The following WASL variants were observed in gnomAD, a reference collection of about 807,000 sequenced individuals.
WASL encodes the protein WASP like actin nucleation promoting factor, also known as actin nucleation-promoting factor WASL.
A neutral mutation model predicts 55.5 loss-of-function variants in WASL; 20 were observed. The observed-to-expected ratio is 0.36, with a 90% CI of 0.25 to 0.52. WASL has a LOEUF of 0.52. WASL is among the 20% of genes least tolerant of loss of function. The pLI is 0.92. For missense variants in WASL, 504 were observed against 622.5 expected, an observed-to-expected ratio of 0.81 and a Z score of 2.03; for synonymous variants, 249 against 217.6, an observed-to-expected ratio of 1.14 and a Z score of -1.27.
chr7:123,722,162 T>A (rs1803960332), intron 1 of WASL, among the ~76,000 whole-genome samples: 1 of 152,170 alleles, frequency 6.6e-6, no homozygotes, highest in Non-Finnish European at 1.5e-5. Flanking sequence ...CTGCTACATT[T>A]CAAGTGCGCA....
intron 1 of WASL, among the ~76,000 whole-genome samples, chr7:123,737,844 C>G (rs1804264397): frequency 6.6e-6 from 1 of 152,054 alleles, no homozygotes; most frequent in African/African-American, 2.4e-5. Flanking sequence ...AAAGATTATT[C>G]CACTTAACTA....
chr7:123,741,510 T>C lies in WASL; in HGVS notation c.117+7108A>G, dbSNP rs1381427852. On this transcript the variant is annotated intron_variant, in intron 1 of 10. Transcript: ENST00000223023. The stretch of plus-strand genomic sequence containing the variant: ...TGTATAAACTTTTGTTTCTAGAACC[T>C]TTAGAGTAAGAGTGAACTCTATTAG... Among the ~76,000 whole-genome samples, 6 of 152,332 alleles carry C rather than the reference T, an allele frequency of 3.9e-5. No homozygotes were observed. The East Asian group carries it at 1.2e-3, about 29-fold the overall frequency.
intron 4 of WASL, among the ~76,000 whole-genome samples, 160 bp from the exon 5 acceptor site, chr7:123,704,817 ATAAG>A (rs917991578): frequency 1.3e-5 from 2 of 152,202 alleles, no homozygotes; most frequent in Admixed American, 1.3e-4. Context: ...TCTAAATAAA[ATAAG>A]TAAGGGAACA....
At chr7:123,721,923 A>G (rs1403287702) in intron 1 of WASL, among the ~76,000 whole-genome samples, 1 of 152,058 alleles carries the variant, frequency 6.6e-6, no homozygotes, top group Non-Finnish European at 1.5e-5. Flanking sequence ...ATTAATTGGG[A>G]ATGATTTCAC....
intron 1 of WASL, among the ~76,000 whole-genome samples, chr7:123,742,125 T>C (rs1804353739): frequency 6.6e-6 from 1 of 152,214 alleles, no homozygotes. Context: ...GTCACATCTT[T>C]TCCTCAAGAG....
chr7:123,694,454 A>C (rs949678986), intron 8 of WASL, among the ~76,000 whole-genome samples: 3 of 152,212 alleles, frequency 2.0e-5, no homozygotes, highest in East Asian at 3.8e-4. Flanking sequence ...TTAGGCAACT[A>C]TAAGTTTTTA....
At chr7:123,722,796 C>T (rs1803973328) in intron 1 of WASL, among the ~76,000 whole-genome samples, 2 of 152,068 alleles carry the variant, frequency 1.3e-5, no homozygotes, top group African/African-American at 4.8e-5. Flanking sequence ...GAGGGAGACT[C>T]TGTCTCAAAA....
At chr7:123,694,668 T>C in intron 8 of WASL, 47 bp downstream of exon 8, 1 of 1,601,808 alleles carries the variant, frequency 6.2e-7, no homozygotes, top group Non-Finnish European at 8.5e-7. Flanking sequence ...GAAACTGACC[T>C]CAAAAGATTA....
At chr7:123,719,289 G>T (rs1233475311) in intron 1 of WASL, among the ~76,000 whole-genome samples, 1 of 152,176 alleles carries the variant, frequency 6.6e-6, no homozygotes, top group East Asian at 1.9e-4. Flanking sequence ...AGTCACATGG[G>T]ACTGTCTTAG....
chr7:123,691,013 T>TA (rs1803400053), intron 9 of WASL, among the ~76,000 whole-genome samples: 1 of 152,166 alleles, frequency 6.6e-6, no homozygotes, highest in South Asian at 2.1e-4. Flanking sequence ...TTCATAGGTT[T>TA]AAGTGTCATC....
At chr7:123,721,260 GGACA>G (rs1348590054) in intron 1 of WASL, among the ~76,000 whole-genome samples, 6 of 152,044 alleles carry the variant, frequency 3.9e-5, no homozygotes. Flanking sequence ...AAGCATTTAA[GGACA>G]GTCACAGGGA....
chr7:123,714,485 A>T (rs1045707891), intron 1 of WASL, among the ~76,000 whole-genome samples: 3 of 152,228 alleles, frequency 2.0e-5, no homozygotes, highest in Non-Finnish European at 4.4e-5. Flanking sequence ...GCATAAAATA[A>T]CAAACAGAAT....
rs1388529479 is a variant in WASL, at chr7:123,682,075, T to C, written c.*2444A>G. 2.0e-5 allele frequency: 3 copies of C among 152,174 alleles called. No individual in the cohort carries two copies. Among genetic ancestry groups the C allele is most frequent in the East Asian group, 1.9e-4 (1 of 5,196 alleles). The allele number at this position is 152,174 out of a possible 1,614,324, so 9.4% of individuals were successfully genotyped here. On this transcript the variant is annotated 3_prime_UTR_variant, in exon 11 of 11. Coordinates refer to ENST00000223023, the MANE Select transcript of WASL (RefSeq NM_003941.4). ...TTTCAGTTGTCTGAAAATGAAATGA[T>C]TGAAAGTCTTTATGAATCTCATACA...
chr7:123,738,158 C>A lies in WASL; in HGVS notation c.117+10460G>T, dbSNP rs145925340. On this transcript the variant is annotated intron_variant, in intron 1 of 10. Coordinates refer to ENST00000223023, the MANE Select transcript of WASL (RefSeq NM_003941.4). ...CTGTCTACAGGGAAAACTATTACAC[C>A]CATTAATAGAGGTTAATTACACATA... Among the ~76,000 whole-genome samples, 418 of 133,120 alleles carry A rather than the reference C, an allele frequency of 3.1e-3. 2 individuals carry two copies. Among genetic ancestry groups the A allele is most frequent in the African/African-American group, 0.011 (406 of 37,080 alleles). The allele number at this position is 133,120 out of a possible 152,430, so 87.3% of individuals were successfully genotyped here.
At chr7:123,710,096 GT>G (rs992997198) in intron 1 of WASL, among the ~76,000 whole-genome samples, 3 of 151,968 alleles carry the variant, frequency 2.0e-5, no homozygotes, top group Admixed American at 2.0e-4. Flanking sequence ...TCTAAATTAA[GT>G]TTACTTTATA....
rs183532835 is a variant in WASL at position 123,728,400 on chromosome 7, G to A, written c.118-19177C>T. Among the ~76,000 whole-genome samples the A allele has an allele frequency of 9.2e-5, 14 of 152,292 alleles. No homozygotes were observed. In the East Asian group the frequency reaches 2.5e-3, roughly 27 times the overall value. On this transcript the variant is annotated intron_variant, in intron 1 of 10. Transcript: ENST00000223023. The stretch of plus-strand genomic sequence containing the variant: ...TCTGGTGAAGACAGATGAAGAGCAT[G>A]TGTGTGTGGCCTGCTATATTAGGGA...
intron 1 of WASL, among the ~76,000 whole-genome samples, chr7:123,739,661 T>C (rs1309704329): frequency 6.6e-6 from 1 of 152,156 alleles, no homozygotes; most frequent in Non-Finnish European, 1.5e-5. Flanking sequence ...GTTTGGTGGG[T>C]TAGGTGTGTT....
chr7:123,714,912 G>C (rs1396295555), intron 1 of WASL, among the ~76,000 whole-genome samples: 1 of 152,170 alleles, frequency 6.6e-6, no homozygotes, highest in East Asian at 1.9e-4. Context: ...AGTAAGTATG[G>C]AGGAAATGGC....
chr7:123,703,314 T>A (rs1203922176), intron 5 of WASL, among the ~76,000 whole-genome samples: 1 of 152,194 alleles, frequency 6.6e-6, no homozygotes, highest in Non-Finnish European at 1.5e-5. Flanking sequence ...TACCTATCTG[T>A]GCTTCGGTTT....
Sources: gnomAD v4.1 joint callset for allele counts (sites outside exome capture counted in the v4.1 genomes callset) on GRCh38, gnomAD v4.1.1 for gene constraint, MANE v1.5 for transcripts, NCBI Gene and HGNC (gene_info 2026-07-23, HGNC 2026-07-21) for gene names.